The following RRM2 variants were observed in gnomAD, a reference collection of about 807,000 sequenced individuals.
RRM2 encodes ribonucleotide reductase regulatory subunit M2.
A neutral mutation model predicts 45.9 loss-of-function variants in RRM2; 6 were observed. The observed-to-expected ratio is 0.13, with a 90% CI of 0.07 to 0.26. The LOEUF is 0.26. RRM2 is among the 10% of genes least tolerant of loss of function. The probability of loss-of-function intolerance (pLI) is 1.00; values close to 1 mark genes in which losing one functional copy is unlikely to be tolerated. For synonymous variants in RRM2, 177 were observed against 173.0 expected, an observed-to-expected ratio of 1.02 and a Z score of -0.18; for missense variants, 343 against 489.5, an observed-to-expected ratio of 0.70 and a Z score of 2.82.
intron 3 of RRM2, among the ~76,000 whole-genome samples, chr2:10,163,759 G>A (rs1466609617): frequency 6.6e-6 from 1 of 152,218 alleles, no homozygotes; most frequent in African/African-American, 2.4e-5. Context: ...CTGGTTTTCT[G>A]CCTGGACAAC....
At chr2:10,178,147 C>T (rs1325123184) in intron 3 of RRM2, among the ~76,000 whole-genome samples, 8 of 151,148 alleles carry the variant, frequency 5.3e-5, no homozygotes, top group Admixed American at 1.3e-4. Context: ...AGGATGGTCT[C>T]AATCTCCTGA....
At chr2:10,210,310 G>C in intron 3 of RRM2, 1 of 1,365,910 alleles carries the variant, frequency 7.3e-7, no homozygotes, top group Non-Finnish European at 9.8e-7. Flanking sequence ...TGTCCAATCA[G>C]TCTTCCAGGA....
rs1319750849 is a variant in RRM2, at chr2:10,166,264, T to G, written n.482+23889T>G. Among the ~76,000 whole-genome samples, 3 of 152,174 alleles carry G rather than the reference T, an allele frequency of 2.0e-5. No homozygotes were observed. The East Asian group carries it at 5.8e-4, about 29-fold the overall frequency. On this transcript the variant is annotated intron_variant and non_coding_transcript_variant, in intron 3 of 3. Coordinates refer to the RRM2 transcript ENST00000381786. The stretch of plus-strand genomic sequence containing the variant: ...ATTAACCAGGCCTTCCAGAGCTGAG[T>G]GCGGGAGAGTGAAGTCCAGAGACCA...
At chr2:10,177,710 T>C (rs3951161) in intron 3 of RRM2, among the ~76,000 whole-genome samples, 6,327 of 116,470 alleles carry the variant, frequency 0.054, 506 homozygotes, top group African/African-American at 0.19. Flanking sequence ...TTCCTTCCTC[T>C]CTCCCTCCCT....
intron 3 of RRM2, among the ~76,000 whole-genome samples, chr2:10,202,491 G>C (rs1247348902): frequency 6.6e-6 from 1 of 152,166 alleles, no homozygotes; most frequent in South Asian, 2.1e-4. Flanking sequence ...TTCTCTCAGG[G>C]GCACTCTCTC....
At chr2:10,183,054 C>G (rs1046822533) in intron 3 of RRM2, among the ~76,000 whole-genome samples, 1 of 152,192 alleles carries the variant, frequency 6.6e-6, no homozygotes, top group East Asian at 1.9e-4. Context: ...TGGCGCGTAC[C>G]CAGCTACTTG....
intron 3 of RRM2, among the ~76,000 whole-genome samples, chr2:10,183,558 G>A (rs1362594224): frequency 6.6e-6 from 1 of 152,208 alleles, no homozygotes; most frequent in African/African-American, 2.4e-5. Flanking sequence ...ATTCAGAGAA[G>A]CAGGGTTCTG....
intron 3 of RRM2, among the ~76,000 whole-genome samples, chr2:10,200,483 CACA>C: frequency 1.6e-5 from 1 of 61,662 alleles, no homozygotes; most frequent in African/African-American, 5.7e-5. Flanking sequence ...ATATGAGGCC[CACA>C]GGCACCGCGC....
intron 3 of RRM2, among the ~76,000 whole-genome samples, chr2:10,181,737 G>GCTCT (rs777161408): frequency 2.1e-4 from 26 of 125,040 alleles, no homozygotes; most frequent in African/African-American, 6.3e-4. Flanking sequence ...AGACTGCACA[G>GCTCT]CTCTCTCTCT....
intron 3 of RRM2, among the ~76,000 whole-genome samples, chr2:10,201,682 A>T (rs1664572901): frequency 6.6e-6 from 1 of 152,250 alleles, no homozygotes; most frequent in Admixed American, 6.5e-5. Flanking sequence ...GACACAATTG[A>T]TGAGGAAATC....
chr2:10,160,202 A>C (rs1663527418), intron 3 of RRM2, among the ~76,000 whole-genome samples: 1 of 152,058 alleles, frequency 6.6e-6, no homozygotes, highest in Non-Finnish European at 1.5e-5. Context: ...ACCCCTTTCC[A>C]GGAAGCCTTC....
intron 1 of RRM2, chr2:10,141,783 G>T (rs1663084806): frequency 1.3e-6 from 2 of 1,540,030 alleles, no homozygotes; most frequent in East Asian, 4.9e-5. Flanking sequence ...ATGGCCTGGG[G>T]CTGGGGCTGG....
intron 3 of RRM2, among the ~76,000 whole-genome samples, chr2:10,179,179 G>T (rs1053007573): frequency 3.3e-5 from 5 of 152,126 alleles, no homozygotes; most frequent in African/African-American, 1.2e-4. Flanking sequence ...TTGAGACAGA[G>T]TCTCACTCTG....
Position 10,129,123 on chromosome 2 carries a change from A to G in RRM2, c.986A>G (p.Asp329Gly), listed in dbSNP as rs757029932. 3 of 1,614,112 alleles carry G rather than the reference A, an allele frequency of 1.9e-6. No individual in the cohort carries two copies. Among genetic ancestry groups the G allele is most frequent in the Admixed American group, 1.7e-5 (1 of 60,010 alleles). ...LMKQYIEFVADRLMLELGFSK... is the reference protein window; with the variant it reads ...LMKQYIEFVAGRLMLELGFSK... ...AAGCAATACATTGAGTTTGTGGCAG[A>G]CAGACTTATGCTGGAACTGGGTTTT... Residue 329 changes from aspartate to glycine, a missense_variant, in exon 9 of 10, where the codon GAC becomes GGC. By Grantham distance (94) the Asp-to-Gly change is moderately conservative. This residue lies in a region of RRM2 where 212 missense variants were observed against 368.1 expected (regional missense o/e 0.58). Transcript: ENST00000304567. The surrounding 1 kb of genome is among the most constrained non-coding windows in gnomAD (Gnocchi z 4.8).
chr2:10,210,840 C>T (rs1345665881), exon 4 of RRM2: 4 of 341,092 alleles, frequency 1.2e-5, no homozygotes, highest in African/African-American at 8.6e-5. Flanking sequence ...GGGTGGAGAC[C>T]CATGCTGGGG....
intron 5 of RRM2, among the ~76,000 whole-genome samples, chr2:10,125,554 AGTG>A (rs1231718320): frequency 1.3e-5 from 2 of 152,144 alleles, no homozygotes; most frequent in African/African-American, 4.8e-5. Context: ...AAATAAAAAA[AGTG>A]GTGGCGGGCG....
rs146576834 is a variant in RRM2, at chr2:10,180,038, G to A, written n.483-30273G>A. Reference sequence around the variant, plus strand: ...ACCAATGACTTTCCTGTGGGATGATGGAGCCCTCATGCTGAGCAGAGGTTA... The same window carrying A: ...ACCAATGACTTTCCTGTGGGATGATAGAGCCCTCATGCTGAGCAGAGGTTA... On this transcript the variant is annotated intron_variant and non_coding_transcript_variant, in intron 3 of 3. Coordinates refer to the RRM2 transcript ENST00000381786. 4.7e-3 allele frequency among the ~76,000 whole-genome samples: 713 copies of A among 152,294 alleles called. 6 individuals are homozygous for A. Among genetic ancestry groups the A allele is most frequent in the African/African-American group, 0.016 (660 of 41,560 alleles).
upstream of RRM2, among the ~76,000 whole-genome samples, chr2:10,136,796 C>G (rs760187774): frequency 2.0e-5 from 3 of 152,090 alleles, no homozygotes; most frequent in Non-Finnish European, 2.9e-5. Flanking sequence ...CTGGCCATAG[C>G]CCCTGGGAGT....
intron 3 of RRM2, among the ~76,000 whole-genome samples, chr2:10,199,803 A>AAAAAC (rs1664507346): frequency 6.6e-6 from 1 of 150,414 alleles, no homozygotes; most frequent in South Asian, 2.1e-4. Flanking sequence ...AAAAAAAAAA[A>AAAAAC]AAAAAACAAA....
Sources: gnomAD v4.1 joint callset for allele counts (sites outside exome capture counted in the v4.1 genomes callset) on GRCh38, gnomAD v4.1.1 for gene constraint, gnomAD v4.1.1 regional missense constraint, Gnocchi (gnomAD v3.1) non-coding constraint, MANE v1.5 for transcripts, NCBI Gene and HGNC (gene_info 2026-07-23, HGNC 2026-07-21) for gene names.